The following THAP8 variants were observed in gnomAD, a reference collection of about 807,000 sequenced individuals.
THAP8 encodes the protein THAP domain containing 8.
In THAP8, 24 loss-of-function variants were observed where a neutral mutation model predicts 25.0. That is an observed-to-expected ratio of 0.96 (90% CI 0.69 to 1.35). The LOEUF is 1.35. Ranked by LOEUF, THAP8 falls within the 40% of genes most tolerant of loss-of-function variation. THAP8 has a pLI of 0.00. For synonymous variants in THAP8, 169 were observed against 157.6 expected (o/e 1.07, Z -0.54); for missense variants, 399 against 368.8 (o/e 1.08, Z -0.67).
chr19:36,047,769 G>C (rs1969925617), intron 1 of THAP8, among the ~76,000 whole-genome samples: 1 of 151,748 alleles, frequency 6.6e-6, no homozygotes, highest in Non-Finnish European at 1.5e-5. Flanking sequence ...GGTGGAAGTT[G>C]CAGTGAGCTG....
rs1041674005 is a variant in THAP8 at position 36,035,719 on chromosome 19, TG to T, written c.673-128del. 213 of 1,064,582 alleles carry T rather than the reference TG, an allele frequency of 2.0e-4. No individual in the cohort carries two copies. The African/African-American group carries it at 2.2e-3, about 11-fold the overall frequency. The allele number at this position is 1,064,582 out of a possible 1,614,324, so 65.9% of individuals were successfully genotyped here. ...GCGTGTCAGGAAACAGAGAGAGATG[TG>T]GGGAGAGATATGAGGAGACAGGAAA... On this transcript the variant is annotated intron_variant, in intron 3 of 3. Transcript: ENST00000292894.
In THAP8 at chr19:36,040,245, G is replaced by A. The variant is rs1969644085; in HGVS notation, c.84-109C>T. The A allele has an allele frequency of 4.2e-6, 5 of 1,176,780 alleles. 1 individual carries two copies. In the South Asian group the frequency reaches 4.8e-5, roughly 11 times the overall value. The allele number at this position is 1,176,780 out of a possible 1,614,324, so 72.9% of individuals were successfully genotyped here. A position where few individuals can be genotyped will look rare whatever the true frequency, so the allele number is the denominator to read the frequency against. Reference sequence around the variant, plus strand: ...GGGCTCCAAGCCTGTGCCTCCCTAGGGCTAGGAAGTAGACCTGTCTTGTGC... The same window carrying A: ...GGGCTCCAAGCCTGTGCCTCCCTAGAGCTAGGAAGTAGACCTGTCTTGTGC... On this transcript the variant is annotated intron_variant, in intron 1 of 3. Coordinates refer to ENST00000292894, the MANE Select transcript of THAP8 (RefSeq NM_152658.3).
intron 1 of THAP8, among the ~76,000 whole-genome samples, chr19:36,050,074 G>A (rs1006368494): frequency 2.4e-4 from 34 of 140,328 alleles, no homozygotes; most frequent in Admixed American, 2.0e-3. Context: ...AAAAAAAAAA[G>A]ATGATGGCAG....
rs921702334 is a variant in THAP8 at position 36,040,299 on chromosome 19, C to A, written c.84-163G>T. Among the ~76,000 whole-genome samples, 8 of 152,278 alleles carry A rather than the reference C, an allele frequency of 5.3e-5. No individual in the cohort carries two copies. The East Asian group carries it at 7.7e-4, about 15-fold the overall frequency. On this transcript the variant is annotated intron_variant, in intron 1 of 3. Coordinates refer to ENST00000292894, the MANE Select transcript of THAP8 (RefSeq NM_152658.3). Reference sequence around the variant, plus strand: ...GGCTTTCTCTATCTCATACACACAACCACAACCCTTTTTTCAGCTTCATCT... The same window carrying A: ...GGCTTTCTCTATCTCATACACACAAACACAACCCTTTTTTCAGCTTCATCT...
chr19:36,044,327 AC>A (rs900907377), intron 1 of THAP8, among the ~76,000 whole-genome samples: 29 of 152,318 alleles, frequency 1.9e-4, no homozygotes, highest in African/African-American at 6.3e-4. Context: ...CTTAAAACTA[AC>A]CAATTTTAAC....
intron 1 of THAP8, among the ~76,000 whole-genome samples, 161 bp downstream of exon 1, chr19:36,053,974 T>C (rs1250356299): frequency 6.6e-6 from 1 of 152,212 alleles, no homozygotes; most frequent in Non-Finnish European, 1.5e-5. Flanking sequence ...CACCTTTGTA[T>C]GTGCAATGGA....
chr19:36,035,973 A>G (rs960417606), intron 3 of THAP8, among the ~76,000 whole-genome samples: 4 of 152,082 alleles, frequency 2.6e-5, no homozygotes, highest in Admixed American at 1.3e-4. Flanking sequence ...CAGAAAGACA[A>G]TGAATGTTGG....
chr19:36,040,945 C>T (rs907937255), intron 1 of THAP8, among the ~76,000 whole-genome samples: 6 of 152,086 alleles, frequency 3.9e-5, no homozygotes, highest in African/African-American at 1.4e-4. Flanking sequence ...TTGCCTACAA[C>T]AAACAATTCA....
At chr19:36,048,841 T>TAAAAAAAAAAAA (rs1204599378) in intron 1 of THAP8, among the ~76,000 whole-genome samples, 1 of 83,896 alleles carries the variant, frequency 1.2e-5, no homozygotes, top group Non-Finnish European at 2.3e-5. Flanking sequence ...ACCCCTTCTT[T>TAAAAAAAAAAAA]AAAAAAAAAA....
intron 1 of THAP8, among the ~76,000 whole-genome samples, chr19:36,043,014 C>T (rs546433283): frequency 7.4e-5 from 11 of 149,528 alleles, no homozygotes; most frequent in Non-Finnish European, 1.5e-4. Flanking sequence ...CTGCAACCTC[C>T]GCCCCCTGGG....
At chr19:36,038,301 A>C (rs1019200990) in intron 3 of THAP8, among the ~76,000 whole-genome samples, 3 of 148,942 alleles carry the variant, frequency 2.0e-5, no homozygotes, top group Non-Finnish European at 4.5e-5. Flanking sequence ...TTGCTTGGTC[A>C]CCCGGGCTAG....
chr19:36,045,093 A>G (rs886839139), intron 1 of THAP8, among the ~76,000 whole-genome samples: 2 of 150,872 alleles, frequency 1.3e-5, no homozygotes, highest in African/African-American at 2.5e-5. Flanking sequence ...TTATTTATTT[A>G]ATTTATTTTT....
upstream of THAP8, chr19:36,054,469 C>T (rs913380575): frequency 6.8e-6 from 4 of 588,324 alleles, no homozygotes; most frequent in African/African-American, 3.7e-5. Context: ...GCCGGCCCTT[C>T]GTCACCCCGA....
intron 1 of THAP8, among the ~76,000 whole-genome samples, chr19:36,050,516 T>C (rs970522638): frequency 7.2e-5 from 11 of 152,298 alleles, no homozygotes; most frequent in Non-Finnish European, 1.0e-4. Flanking sequence ...GTCAAGGTGT[T>C]AGAGATTTTG....
intron 1 of THAP8, among the ~76,000 whole-genome samples, chr19:36,048,838 C>CT (rs1304271016): frequency 1.4e-5 from 1 of 73,952 alleles, no homozygotes; most frequent in Non-Finnish European, 2.4e-5. Context: ...AAGACCCCTT[C>CT]TTTAAAAAAA....
upstream of THAP8, chr19:36,054,637 G>A (rs141659377): frequency 3.8e-5 from 21 of 549,162 alleles, no homozygotes; most frequent in African/African-American, 2.8e-4. Context: ...GGCAAAAACC[G>A]AGGTGAGGCG....
At chr19:36,037,825 A>G (rs1294749122) in intron 3 of THAP8, among the ~76,000 whole-genome samples, 1 of 152,050 alleles carries the variant, frequency 6.6e-6, no homozygotes, top group East Asian at 1.9e-4. Context: ...TGTTTAGTAG[A>G]GATGGAGTTT....
At position 36,039,425 on chromosome 19, in the gene THAP8, G is replaced by C; in HGVS notation, c.570C>G (p.Cys190Trp). 1 of 1,576,580 alleles carries C rather than the reference G, an allele frequency of 6.3e-7. No homozygotes were observed. The highest frequency in any genetic ancestry group is 2.3e-5 in the East Asian group (1 of 42,774). Residue 190 changes from cysteine to tryptophan, a missense_variant, in exon 3 of 4, where the codon TGC (cysteine) becomes TGG (tryptophan). Coordinates refer to ENST00000292894, the MANE Select transcript of THAP8 (RefSeq NM_152658.3). ...LQRRVRRLQR[C>W]QERHQAQLQA... ...GCAGCTGCGCCTGGTGCCGCTCCTGGCACCGTTGCAGCCTCCGCACCCGGC... is the reference window on the plus strand; with the variant it reads ...GCAGCTGCGCCTGGTGCCGCTCCTGCCACCGTTGCAGCCTCCGCACCCGGC...
chr19:36,035,631 AG>A (rs1969408848), intron 3 of THAP8, 39 bp from the exon 4 acceptor site: 2 of 1,595,380 alleles, frequency 1.3e-6, no homozygotes, highest in Non-Finnish European at 1.7e-6. Context: ...AACATTACGA[AG>A]CAAGTTGCGG....
Sources: gnomAD v4.1 joint callset for allele counts (sites outside exome capture counted in the v4.1 genomes callset) on GRCh38, gnomAD v4.1.1 for gene constraint, MANE v1.5 for transcripts, NCBI Gene and HGNC (gene_info 2026-07-23, HGNC 2026-07-21) for gene names.